PIK3C2A: variants seen among roughly 807,000 people sequenced by gnomAD.
PIK3C2A encodes phosphatidylinositol 4-phosphate 3-kinase C2 domain-containing subunit alpha.
A neutral mutation model predicts 204.5 loss-of-function variants in PIK3C2A; 97 were observed. The ratio of observed to expected loss-of-function variants is 0.47; its 90% CI spans 0.40 to 0.56. The LOEUF is 0.56. PIK3C2A is among the 20% of genes least tolerant of loss of function. PIK3C2A has a pLI of 0.00. For synonymous variants in PIK3C2A, 653 were observed against 664.4 expected, an observed-to-expected ratio of 0.98 and a Z score of 0.26; for missense variants, 1,735 against 1,969.2, an observed-to-expected ratio of 0.88 and a Z score of 2.25.
chr11:17,157,906 T>C (rs1850649140), intron 2 of PIK3C2A, among the ~76,000 whole-genome samples: 1 of 152,198 alleles, frequency 6.6e-6, no homozygotes. Context: ...TCTAATCCAA[T>C]CTTATTTCCC....
intron 30 of PIK3C2A, 108 bp downstream of exon 30, chr11:17,091,888 A>ATTC: frequency 1.3e-6 from 1 of 792,962 alleles, no homozygotes; most frequent in South Asian, 1.4e-5. Flanking sequence ...CTCTCCTCCC[A>ATTC]TTCTCAGACT....
rs1459530840 is a variant in PIK3C2A at position 17,089,191 on chromosome 11, G to GT, written c.*546dup. On this transcript the variant is annotated 3_prime_UTR_variant, in exon 33 of 33. Coordinates refer to ENST00000691414, the MANE Select transcript of PIK3C2A (RefSeq NM_002645.4). ...GCTTTAAAGACATGAATAAAAAGCA[G>GT]TATTACGTTTTTCCCTACTTCTATA... The GT allele has an allele frequency of 6.6e-6, 1 of 152,206 alleles. No homozygotes were observed. The highest frequency in any genetic ancestry group is 1.5e-5 in the Non-Finnish European group (1 of 68,024). 9.4% of individuals were successfully genotyped at this position (152,206 alleles called of 1,614,324 possible).
At chr11:17,205,695 C>A (rs1852547102) in intron 1 of PIK3C2A, among the ~76,000 whole-genome samples, 2 of 152,026 alleles carry the variant, frequency 1.3e-5, no homozygotes, top group Admixed American at 1.3e-4. Flanking sequence ...TTAATGCAAG[C>A]AATCTTCAAT....
chr11:17,101,818 T>C (rs1016968905), intron 24 of PIK3C2A, among the ~76,000 whole-genome samples: 2 of 151,822 alleles, frequency 1.3e-5, no homozygotes, highest in African/African-American at 2.4e-5. Context: ...TTAGCCAGGA[T>C]GGTCTCGATC....
At chr11:17,106,893 G>A (rs951582744) in intron 22 of PIK3C2A, among the ~76,000 whole-genome samples, 2 of 152,188 alleles carry the variant, frequency 1.3e-5, no homozygotes, top group African/African-American at 4.8e-5. Context: ...TAGCACTTTC[G>A]AAAGGAAGAA....
chr11:17,207,573 C>A (rs1229297393), intron 1 of PIK3C2A, among the ~76,000 whole-genome samples: 6 of 152,328 alleles, frequency 3.9e-5, no homozygotes, highest in African/African-American at 1.4e-4. Flanking sequence ...CCTGGCGCAC[C>A]TCCGCTCCCG....
In PIK3C2A at chr11:17,103,167, C is replaced by A. The variant is rs182562465; in HGVS notation, c.3682-336G>T. ...CCTCTCTGACTCTGCTGCTTAGAATCGGTGAGGTGCAGGATTCCACAAACA... is the reference window on the plus strand; with the variant it reads ...CCTCTCTGACTCTGCTGCTTAGAATAGGTGAGGTGCAGGATTCCACAAACA... On this transcript the variant is annotated intron_variant, in intron 23 of 32. Coordinates refer to ENST00000691414, the MANE Select transcript of PIK3C2A (RefSeq NM_002645.4). 4.0e-3 allele frequency among the ~76,000 whole-genome samples: 600 copies of A among 148,464 alleles called. 2 individuals are homozygous for A. The highest frequency in any genetic ancestry group is 0.014 in the African/African-American group (549 of 40,464).
chr11:17,118,665 C>A lies in PIK3C2A; in HGVS notation c.3015G>T (p.Gln1005His). The A allele has an allele frequency of 2.7e-6, 4 of 1,493,790 alleles. No individual in the cohort carries two copies. Among genetic ancestry groups the A allele is most frequent in the Non-Finnish European group, 3.7e-6 (4 of 1,074,768 alleles). The allele number at this position is 1,493,790 out of a possible 1,614,324, so 92.5% of individuals were successfully genotyped here. A position where few individuals can be genotyped will look rare whatever the true frequency, so the allele number is the denominator to read the frequency against. Residue 1005 changes from glutamine (Q) to histidine (H), a missense_variant, in exon 18 of 33, where the codon CAG (glutamine) becomes CAT (histidine). Physicochemically the swap from Gln to His is conservative, Grantham distance 24. This residue lies in a region of PIK3C2A where 567 missense variants were observed against 576.0 expected (regional missense o/e 0.98). Transcript: ENST00000691414. Reference sequence around the variant, plus strand: ...CTTACCAATATAAATTGTGTGCTATCTGGATATTTCCCAATGCCCTGGACA... The same window carrying A: ...CTTACCAATATAAATTGTGTGCTATATGGATATTTCCCAATGCCCTGGACA... ...FLLSRALGNI[Q>H]IAHNLYWLLK...
intron 8 of PIK3C2A, among the ~76,000 whole-genome samples, chr11:17,143,680 C>T (rs972343528): frequency 1.3e-5 from 2 of 151,572 alleles, no homozygotes; most frequent in Non-Finnish European, 1.5e-5. Flanking sequence ...GGCTCACGCC[C>T]AATTCCAGCA....
intron 12 of PIK3C2A, 149 bp downstream of exon 12, chr11:17,131,767 C>T: frequency 1.4e-6 from 1 of 697,442 alleles, no homozygotes; most frequent in Non-Finnish European, 2.5e-6. Flanking sequence ...TCTATAAAAT[C>T]ATATCTAGAA....
chr11:17,157,610 A>T (rs1324186946), intron 2 of PIK3C2A, among the ~76,000 whole-genome samples: 1 of 152,162 alleles, frequency 6.6e-6, no homozygotes. Flanking sequence ...CTTCTGCAGG[A>T]TTCTCAGTGT....
chr11:17,111,727 A>T (rs953028663), intron 21 of PIK3C2A, among the ~76,000 whole-genome samples: 2 of 151,860 alleles, frequency 1.3e-5, no homozygotes, highest in African/African-American at 4.8e-5. Flanking sequence ...AAATAAAAAA[A>T]TTAGTTGGAC....
chr11:17,147,732 G>A (rs2137428207), intron 5 of PIK3C2A, 104 bp from the exon 6 acceptor site: 4 of 622,986 alleles, frequency 6.4e-6, no homozygotes, highest in Non-Finnish European at 1.1e-5. Flanking sequence ...AGAGAATGGT[G>A]AAACAGAGAC....
At chr11:17,196,025 C>A (rs1270102693) in intron 1 of PIK3C2A, among the ~76,000 whole-genome samples, 4 of 151,082 alleles carry the variant, frequency 2.6e-5, no homozygotes, top group East Asian at 1.9e-4. Flanking sequence ...GGCAACAGAG[C>A]GAGACTTCAT....
chr11:17,195,901 T>C (rs1298420820), intron 1 of PIK3C2A, among the ~76,000 whole-genome samples: 4 of 150,818 alleles, frequency 2.7e-5, no homozygotes, highest in South Asian at 2.1e-4. Flanking sequence ...TAGCCAGGCA[T>C]GGTGGCAGGC....
In PIK3C2A at chr11:17,168,598, C is replaced by CA. The variant is rs1230991326; in HGVS notation, c.1065+78dup. 2.4e-5 allele frequency: 26 copies of CA among 1,081,098 alleles called. No individual in the cohort carries two copies. In the East Asian group the frequency reaches 3.1e-4, roughly 13 times the overall value. The allele number at this position is 1,081,098 out of a possible 1,614,324, so 67.0% of individuals were successfully genotyped here. On this transcript the variant is annotated intron_variant, in intron 2 of 32. Transcript: ENST00000691414. Reference sequence around the variant, plus strand: ...TCCTTCTTAAAAACAAAAACAAAAACAAAAAAACACAAATTATGTACACAA... The same window carrying CA: ...TCCTTCTTAAAAACAAAAACAAAAACAAAAAAAACACAAATTATGTACACAA...
chr11:17,185,955 T>C (rs1336090188), intron 1 of PIK3C2A, among the ~76,000 whole-genome samples: 1 of 152,200 alleles, frequency 6.6e-6, no homozygotes, highest in Non-Finnish European at 1.5e-5. Context: ...GAATTTTCAA[T>C]AGCTCCTAAC....
chr11:17,089,099 AG>A lies in PIK3C2A; in HGVS notation c.*638del, dbSNP rs1848224167. 6.6e-6 allele frequency: 1 copy of A among 152,226 alleles called. No homozygotes were observed. Among genetic ancestry groups the A allele is most frequent in the Non-Finnish European group, 1.5e-5 (1 of 68,034 alleles). The allele number at this position is 152,226 out of a possible 1,614,324, so 9.4% of individuals were successfully genotyped here. The stretch of plus-strand genomic sequence containing the variant: ...GGAAAAAAATCAGAAACGAAGTGCC[AG>A]GGAAGCATATAAAGTTAAGGCACCA... On this transcript the variant is annotated 3_prime_UTR_variant, in exon 33 of 33. Coordinates refer to ENST00000691414, the MANE Select transcript of PIK3C2A (RefSeq NM_002645.4).
chr11:17,149,109 CT>C (rs1318206397), intron 4 of PIK3C2A, among the ~76,000 whole-genome samples: 3 of 152,190 alleles, frequency 2.0e-5, no homozygotes, highest in East Asian at 1.9e-4. Context: ...TATGTACACA[CT>C]TTTTTTCTTG....
Sources: allele counts gnomAD v4.1 joint callset (sites outside exome capture counted in the v4.1 genomes callset), GRCh38; gene constraint gnomAD v4.1.1; regional missense constraint gnomAD v4.1.1; transcripts MANE v1.5; gene names NCBI Gene and HGNC (gene_info 2026-07-23, HGNC 2026-07-21).